The following AP3B2 variants were observed in gnomAD, a reference collection of about 807,000 sequenced individuals.
AP3B2 encodes the protein AP-3 complex subunit beta-2.
A neutral mutation model predicts 126.9 loss-of-function variants in AP3B2; 50 were observed. The observed-to-expected ratio is 0.39, with a 90% CI of 0.31 to 0.50. The LOEUF is 0.50. Ranked by LOEUF, AP3B2 falls within the 20% of genes least tolerant of loss-of-function variation. The pLI, the probability that AP3B2 is intolerant of heterozygous loss-of-function variation, is 0.79. For missense variants in AP3B2, 1,177 were observed against 1,426.4 expected, an observed-to-expected ratio of 0.83 and a Z score of 2.82; for synonymous variants, 541 against 565.0, an observed-to-expected ratio of 0.96 and a Z score of 0.60.
rs1020302528 is a variant in AP3B2, at chr15:82,699,941, T to C, written c.113+9653A>G. 4 of 398,956 alleles carry C rather than the reference T, an allele frequency of 1.0e-5. No homozygotes were observed. The Admixed American group carries it at 1.8e-4, about 18-fold the overall frequency. The allele number at this position is 398,956 out of a possible 1,614,324, so 24.7% of individuals were successfully genotyped here. ...TGGGGCTCCTGTCACAGTCACCAGA[T>C]GGCCCGCCCCCAAAACTTGGTAACC... On this transcript the variant is annotated intron_variant, in intron 1 of 26. Coordinates refer to ENST00000535359, the MANE Select transcript of AP3B2 (RefSeq NM_001278512.2).
rs1282827175 is a variant in AP3B2, at chr15:82,680,445, G to A, written c.1055+27C>T. On this transcript the variant is annotated intron_variant, in intron 8 of 26. Coordinates refer to ENST00000535359, the MANE Select transcript of AP3B2 (RefSeq NM_001278512.2). The surrounding 1 kb of genome is among the most constrained non-coding windows in gnomAD (Gnocchi z 6.1). ...GTGGGGCGGGGCAGGAGGCGAGGGA[G>A]GGGGCGGGGCTGGGGGCGGAGCGCA... is the stretch of plus-strand genomic sequence containing the variant. 3.4e-6 allele frequency: 5 copies of A among 1,454,992 alleles called. No individual in the cohort carries two copies. Among genetic ancestry groups the A allele is most frequent in the Non-Finnish European group, 3.6e-6 (4 of 1,106,860 alleles). 90.1% of individuals were successfully genotyped at this position (1,454,992 alleles called of 1,614,324 possible).
At chr15:82,705,606 G>T (rs1422611517) in intron 1 of AP3B2, among the ~76,000 whole-genome samples, 2 of 152,092 alleles carry the variant, frequency 1.3e-5, no homozygotes, top group Non-Finnish European at 2.9e-5. Context: ...AACTACCTAG[G>T]CTGTACTGCC....
intron 20 of AP3B2, 83 bp from the exon 21 acceptor site, chr15:82,663,703 G>T (rs2047998391): frequency 6.2e-7 from 1 of 1,606,352 alleles, no homozygotes; most frequent in African/African-American, 1.3e-5. Context: ...GTCATGTTCT[G>T]TTCTGGATGG....
At chr15:82,694,035 G>A (rs554607531) in intron 1 of AP3B2, among the ~76,000 whole-genome samples, 11 of 132,662 alleles carry the variant, frequency 8.3e-5, no homozygotes, top group South Asian at 2.5e-4. Flanking sequence ...ACGAAGTCTC[G>A]CTCTGTTGCC....
intron 14 of AP3B2, among the ~76,000 whole-genome samples, chr15:82,670,986 A>C (rs1360341514): frequency 6.6e-6 from 1 of 152,242 alleles, no homozygotes; most frequent in African/African-American, 2.4e-5. Flanking sequence ...AATGCAAATC[A>C]AAACTACAAT....
chr15:82,663,300 G>A lies in AP3B2; in HGVS notation c.2498-67C>T, dbSNP rs116844531. 2,289 of 1,278,494 alleles carry A rather than the reference G, an allele frequency of 1.8e-3. 2 individuals carry two copies. Among genetic ancestry groups the A allele is most frequent in the Non-Finnish European group, 2.3e-3 (2,012 of 892,884 alleles). The allele number at this position is 1,278,494 out of a possible 1,614,324, so 79.2% of individuals were successfully genotyped here. A position where few individuals can be genotyped will look rare whatever the true frequency, so the allele number is the denominator to read the frequency against. On this transcript the variant is annotated intron_variant, in intron 21 of 26. Transcript: ENST00000535359. The stretch of plus-strand genomic sequence containing the variant: ...GGCTTGGGTTGAGCAGGGAGCCTAG[G>A]GATCAAGGAGCACGCATTTCAGCAC...
chr15:82,691,538 G>T (rs2048531996), intron 1 of AP3B2, among the ~76,000 whole-genome samples: 1 of 151,756 alleles, frequency 6.6e-6, no homozygotes, highest in African/African-American at 2.4e-5. Flanking sequence ...CACAATTTCT[G>T]CAGTTTAAAA....
rs1435340885 is a variant in AP3B2, at chr15:82,689,143, C to A, written c.264+15G>T. On this transcript the variant is annotated intron_variant, in intron 3 of 26. Coordinates refer to ENST00000535359, the MANE Select transcript of AP3B2 (RefSeq NM_001278512.2). ...GGAGGTGGGGACAAGCAATCCCTCA[C>A]CAGGTAGTGCTCACCTCTATGTTCT... The A allele has an allele frequency of 6.2e-7, 1 of 1,613,166 alleles. No individual in the cohort carries two copies. Among genetic ancestry groups the A allele is most frequent in the East Asian group, 2.2e-5 (1 of 44,872 alleles).
chr15:82,682,560 T>G (rs1596184307), intron 4 of AP3B2, among the ~76,000 whole-genome samples: 2 of 152,148 alleles, frequency 1.3e-5, no homozygotes, highest in East Asian at 1.9e-4. Flanking sequence ...GTCACATAAA[T>G]TTTTTGTTTC....
rs199773980 is a variant in AP3B2, at chr15:82,666,966, G to C, written c.1666-33C>G. The C allele has an allele frequency of 1.4e-5, 22 of 1,586,952 alleles. No homozygotes were observed. The Admixed American group carries it at 2.2e-4, about 16-fold the overall frequency. The stretch of plus-strand genomic sequence containing the variant: ...AACAGGAAGAGGTGGGTCAGCTGAC[G>C]GGGGGATGGGGACACAGGAGGCTCA... On this transcript the variant is annotated intron_variant, in intron 14 of 26. Transcript: ENST00000535359.
intron 1 of AP3B2, chr15:82,699,855 G>A (rs1567275414): frequency 7.5e-6 from 3 of 399,794 alleles, no homozygotes; most frequent in Non-Finnish European, 1.3e-5. Flanking sequence ...CGGCCCCCGG[G>A]AGCTGCAGGA....
At position 82,676,600 on chromosome 15, in the gene AP3B2, C is replaced by G. The variant is rs2048245950; in HGVS notation, c.1526G>C (p.Gly509Ala). The G allele has an allele frequency of 1.9e-6, 3 of 1,614,006 alleles. No homozygotes were observed. The highest frequency in any genetic ancestry group is 1.6e-4 in the Middle Eastern group (1 of 6,062). Residue 509 changes from glycine to alanine, a missense_variant, in exon 14 of 27, where the codon GGA (glycine) becomes GCA (alanine). By Grantham distance (60) the Gly-to-Ala change is moderately conservative. Transcript: ENST00000535359. ...CCTGGGGACATGCTCACAGTACTCT[C>G]CGATGAGCCACAGGATGCTGGCTCG... ...MARASILWLIGEYCEHVPRIA... is the reference protein window; with the variant it reads ...MARASILWLIAEYCEHVPRIA...
Position 82,664,123 on chromosome 15 carries a change from T to A in AP3B2, c.2262-148A>T. On this transcript the variant is annotated intron_variant, in intron 19 of 26. Coordinates refer to ENST00000535359, the MANE Select transcript of AP3B2 (RefSeq NM_001278512.2). This position sits in a 1 kb window ranked among gnomAD's most constrained non-coding sequence, Gnocchi z 4.5. ...CTGAGGTCCTATAGCAGGGACCCCG[T>A]GAGAGCTTGAAGCCAGCTTGTGCCA... 7.2e-7 allele frequency: 1 copy of A among 1,383,886 alleles called. No individual in the cohort carries two copies. The highest frequency in any genetic ancestry group is 9.5e-7 in the Non-Finnish European group (1 of 1,047,808). 85.7% of individuals were successfully genotyped at this position (1,383,886 alleles called of 1,614,324 possible).
Position 82,662,705 on chromosome 15 carries a change from A to G in AP3B2, c.2822T>C (p.Phe941Ser). 1 of 1,612,968 alleles carries G rather than the reference A, an allele frequency of 6.2e-7. No homozygotes were observed. The highest frequency in any genetic ancestry group is 8.5e-7 in the Non-Finnish European group (1 of 1,179,410). ...KLPAGISIQE[F>S]PEIESLAPGE... ...AAAGCCCTTCGCACCAATTTCGGGAAATTCTTGGATGCTGATGCCAGCAGG... is the reference window on the plus strand; with the variant it reads ...AAAGCCCTTCGCACCAATTTCGGGAGATTCTTGGATGCTGATGCCAGCAGG... The change falls in exon 23 of 27, where the codon TTT becomes TCT. Residue 941 changes from phenylalanine (F) to serine (S), a missense_variant. Phe to Ser is a radical substitution (Grantham distance 155). This residue lies in a region of AP3B2 where 587 missense variants were observed against 571.3 expected (regional missense o/e 1.03). Coordinates refer to ENST00000535359, the MANE Select transcript of AP3B2 (RefSeq NM_001278512.2).
chr15:82,664,362 C>T lies in AP3B2; in HGVS notation c.2261+5G>A, dbSNP rs1188723428. 1 of 1,613,848 alleles carries T rather than the reference C, an allele frequency of 6.2e-7. No homozygotes were observed. Among genetic ancestry groups the T allele is most frequent in the East Asian group, 2.2e-5 (1 of 44,884 alleles). ...CACCAGCCATCTGGCTAGCTCCCTT[C>T]TCACCTCTCACTGCCTCTCCCTTTC... On this transcript the variant is annotated splice_donor_5th_base_variant and intron_variant, in intron 19 of 26. Coordinates refer to ENST00000535359, the MANE Select transcript of AP3B2 (RefSeq NM_001278512.2). This position sits in a 1 kb window ranked among gnomAD's most constrained non-coding sequence, Gnocchi z 4.5.
chr15:82,696,351 G>A (rs2048628099), intron 1 of AP3B2, among the ~76,000 whole-genome samples: 1 of 152,166 alleles, frequency 6.6e-6, no homozygotes, highest in Non-Finnish European at 1.5e-5. Context: ...GCCAAGGTGG[G>A]CAGATCACTT....
Position 82,664,506 on chromosome 15 carries a change from A to T in AP3B2, c.2138-16T>A, listed in dbSNP as rs1465630385. 1 of 1,608,992 alleles carries T rather than the reference A, an allele frequency of 6.2e-7. No homozygotes were observed. Among genetic ancestry groups the T allele is most frequent in the Admixed American group, 1.7e-5 (1 of 59,220 alleles). ...GACTCAGGGTCTGTGGAGGAACAAT[A>T]TGAGGCCTCCTCCCTCATATGCAGG... On this transcript the variant is annotated splice_polypyrimidine_tract_variant and intron_variant, in intron 18 of 26. Coordinates refer to ENST00000535359, the MANE Select transcript of AP3B2 (RefSeq NM_001278512.2). The surrounding 1 kb of genome is among the most constrained non-coding windows in gnomAD (Gnocchi z 4.5).
At chr15:82,667,678 A>G (rs1049035565) in intron 14 of AP3B2, among the ~76,000 whole-genome samples, 6 of 152,184 alleles carry the variant, frequency 3.9e-5, no homozygotes, top group East Asian at 1.9e-4. Context: ...TCTGGCACCA[A>G]CTCTGTGCTA....
At chr15:82,688,938 A>G in intron 3 of AP3B2, 107 bp from the exon 4 acceptor site, 1 of 1,159,198 alleles carries the variant, frequency 8.6e-7, no homozygotes, top group South Asian at 1.5e-5. Context: ...CCATGGGGAC[A>G]AACTCTCCCA....
Sources: gnomAD v4.1 joint callset for allele counts (sites outside exome capture counted in the v4.1 genomes callset) on GRCh38, gnomAD v4.1.1 for gene constraint, gnomAD v4.1.1 regional missense constraint, Gnocchi (gnomAD v3.1) non-coding constraint, MANE v1.5 for transcripts, NCBI Gene and HGNC (gene_info 2026-07-23, HGNC 2026-07-21) for gene names.